CMTR1: variants seen among roughly 807,000 people sequenced by gnomAD.
CMTR1 encodes cap-specific mRNA (nucleoside-2'-O-)-methyltransferase 1.
CMTR1 carries 39 observed loss-of-function variants against 107.0 expected under a neutral mutation model. That is an observed-to-expected ratio of 0.36 (90% CI 0.28 to 0.48). CMTR1 has a LOEUF of 0.48. Among genes scored for constraint, CMTR1 ranks in the 20% least tolerant of loss-of-function variants. CMTR1 has a pLI of 0.99. For synonymous variants in CMTR1, 366 were observed against 379.5 expected, an observed-to-expected ratio of 0.96 and a Z score of 0.41; for missense variants, 672 against 1,064.9, an observed-to-expected ratio of 0.63 and a Z score of 5.14.
intron 4 of CMTR1, among the ~76,000 whole-genome samples, chr6:37,448,967 G>A (rs1202287527): frequency 6.6e-6 from 1 of 152,112 alleles, no homozygotes; most frequent in Non-Finnish European, 1.5e-5. Flanking sequence ...TTGAGACAAG[G>A]TCTTGCGCTG....
intron 20 of CMTR1, 84 bp from the exon 21 acceptor site, chr6:37,477,508 T>C (rs1761762636): frequency 8.0e-7 from 1 of 1,244,920 alleles, no homozygotes; most frequent in African/African-American, 1.5e-5. Context: ...CAAGGTCAAG[T>C]GCAGTCTCCT....
In CMTR1 at chr6:37,481,393, G is replaced by C; in HGVS notation, c.*1248G>C. ...ATGGGGGTCCTTCAGCCAGCATCCA[G>C]CTCCCCACCCCCAGGCTGGCAGTAG... is the stretch of plus-strand genomic sequence containing the variant. On this transcript the variant is annotated 3_prime_UTR_variant, in exon 24 of 24. Transcript: ENST00000373451. 1.7e-6 allele frequency: 2 copies of C among 1,186,248 alleles called. No homozygotes were observed. Among genetic ancestry groups the C allele is most frequent in the Non-Finnish European group, 2.1e-6 (2 of 941,374 alleles). The allele number at this position is 1,186,248 out of a possible 1,614,324, so 73.5% of individuals were successfully genotyped here.
chr6:37,444,846 G>A (rs1173386302), intron 3 of CMTR1, among the ~76,000 whole-genome samples: 1 of 152,086 alleles, frequency 6.6e-6, no homozygotes, highest in African/African-American at 2.4e-5. Flanking sequence ...CCAACATGGT[G>A]AAACCCCGTC....
At chr6:37,476,005 A>G (rs1420405681) in intron 19 of CMTR1, 121 bp from the exon 20 acceptor site, 7 of 927,012 alleles carry the variant, frequency 7.6e-6, no homozygotes, top group Non-Finnish European at 1.2e-5. Flanking sequence ...GCTGCCTCTT[A>G]GAGCAGTCTT....
intron 11 of CMTR1, 63 bp downstream of exon 11, chr6:37,461,708 C>T: frequency 1.8e-6 from 2 of 1,130,428 alleles, no homozygotes; most frequent in East Asian, 2.4e-5. Flanking sequence ...TGGACAAGAA[C>T]ATGTACAAGG....
intron 4 of CMTR1, among the ~76,000 whole-genome samples, chr6:37,448,210 CAAAAA>C (rs11397206): frequency 1.1e-5 from 1 of 91,108 alleles, no homozygotes. Context: ...GATTCCGTCT[CAAAAA>C]AAAAAAAAAA....
chr6:37,469,521 CTTT>C lies in CMTR1; in HGVS notation c.1506-1478_1506-1476del, dbSNP rs763917812. 7.1e-3 allele frequency among the ~76,000 whole-genome samples: 437 copies of C among 61,566 alleles called. 1 individual carries two copies. Among genetic ancestry groups the C allele is most frequent in the African/African-American group, 0.028 (407 of 14,624 alleles). 40.4% of individuals were successfully genotyped at this position (61,566 alleles called of 152,430 possible). A position where few individuals can be genotyped will look rare whatever the true frequency, so the allele number is the denominator to read the frequency against. ...TAGTTTGTCAATATGTTGTTTTATC[CTTT>C]TTTTTTTTTTTTTTTTTTTTTGAGA... On this transcript the variant is annotated intron_variant, in intron 13 of 23. Transcript: ENST00000373451.
intron 14 of CMTR1, 55 bp downstream of exon 14, chr6:37,471,132 T>C: frequency 6.8e-7 from 1 of 1,472,308 alleles, no homozygotes. Context: ...ATCTTGCTTT[T>C]CCTCCCCACA....
chr6:37,425,041 C>T, the CMTR1 span, among the ~76,000 whole-genome samples: 11 of 149,952 alleles, frequency 7.3e-5, no homozygotes, highest in South Asian at 8.4e-4. Context: ...CTCTGCCTCC[C>T]AGGTTCAAGC....
At chr6:37,445,426 T>C (rs1771761681) in intron 3 of CMTR1, among the ~76,000 whole-genome samples, 1 of 152,046 alleles carries the variant, frequency 6.6e-6, no homozygotes, top group Admixed American at 6.6e-5. Flanking sequence ...TTACAGATAG[T>C]TGTGGCATTT....
At chr6:37,424,815 CA>C in the CMTR1 span, among the ~76,000 whole-genome samples, 119 of 151,922 alleles carry the variant, frequency 7.8e-4, 2 homozygotes, top group South Asian at 5.8e-3. Context: ...CATATGGCAT[CA>C]AGTTATTTTC....
chr6:37,473,598 G>C lies in CMTR1; in HGVS notation c.1818G>C (p.Leu606=), dbSNP rs1457580743. 26 of 1,613,360 alleles carry C rather than the reference G, an allele frequency of 1.6e-5. No homozygotes were observed. The highest frequency in any genetic ancestry group is 5.0e-5 in the Admixed American group (3 of 59,936). ...GTGAGCAGAAGTTCCTCATCGGCCT[G>C]GGGGTAAGTCTGCAGCTGGCTTCCT... ...SGSEQKFLIG[L]GKSQIYTWDG... is the part of the protein sequence containing the mutation. Residue 606 remains leucine (L), a synonymous_variant, in exon 17 of 24, where the codon CTG becomes CTC. Transcript: ENST00000373451.
At position 37,480,206 on chromosome 6, in the gene CMTR1, G is replaced by T; in HGVS notation, c.*61G>T. ...GTCATTCCTGAGATGGGGCCACCTG[G>T]GGCCCACAGTGCTGGCTTCTTCCCC... On this transcript the variant is annotated 3_prime_UTR_variant, in exon 24 of 24. Transcript: ENST00000373451. The T allele has an allele frequency of 3.8e-6, 6 of 1,587,318 alleles. No homozygotes were observed. The highest frequency in any genetic ancestry group is 1.9e-4 in the Middle Eastern group (1 of 5,346).
In CMTR1 at chr6:37,481,144, T is replaced by A; in HGVS notation, c.*999T>A. ...AGGAGGTACAATCTGCTTTTGTTTG[T>A]CGTTAAGTGGTCACTCCCATTTCCT... is the stretch of plus-strand genomic sequence containing the variant. On this transcript the variant is annotated 3_prime_UTR_variant, in exon 24 of 24. Transcript: ENST00000373451. The A allele has an allele frequency of 7.7e-7, 1 of 1,303,984 alleles. No homozygotes were observed. The highest frequency in any genetic ancestry group is 1.2e-5 in the South Asian group (1 of 81,008). The allele number at this position is 1,303,984 out of a possible 1,614,324, so 80.8% of individuals were successfully genotyped here.
chr6:37,457,938 T>A (rs563644353), intron 8 of CMTR1, among the ~76,000 whole-genome samples: 59 of 152,198 alleles, frequency 3.9e-4, no homozygotes, highest in Non-Finnish European at 6.3e-4. Context: ...TCTTGGTGCC[T>A]CTTTTTCCCT....
At chr6:37,471,366 C>T (rs1761620287) in intron 14 of CMTR1, among the ~76,000 whole-genome samples, 1 of 151,990 alleles carries the variant, frequency 6.6e-6, no homozygotes, top group South Asian at 2.1e-4. Flanking sequence ...AAGTAGAATA[C>T]ATAATGTTCA....
chr6:37,469,037 T>C (rs1401851618), intron 13 of CMTR1, among the ~76,000 whole-genome samples: 1 of 151,986 alleles, frequency 6.6e-6, no homozygotes, highest in Non-Finnish European at 1.5e-5. Context: ...AACTCCCTTC[T>C]GGCCAAAGAA....
intron 8 of CMTR1, among the ~76,000 whole-genome samples, chr6:37,454,869 GCC>G (rs1761257580): frequency 6.6e-6 from 1 of 152,098 alleles, no homozygotes; most frequent in African/African-American, 2.4e-5. Context: ...TTACAGCCAA[GCC>G]CCACAGGCTT....
rs886087562 is a variant in CMTR1, at chr6:37,470,961, G to A, written c.1506-60G>A. Reference sequence around the variant, plus strand: ...TGCTCCCGTTTAACCTCTCTGTCCTGATGTCAGTTACCTGTCTTTTTTGGT... The same window carrying A: ...TGCTCCCGTTTAACCTCTCTGTCCTAATGTCAGTTACCTGTCTTTTTTGGT... On this transcript the variant is annotated intron_variant, in intron 13 of 23. Transcript: ENST00000373451. 1.2e-5 allele frequency: 18 copies of A among 1,442,712 alleles called. No homozygotes were observed. In the African/African-American group the frequency reaches 2.6e-4, roughly 20 times the overall value. The allele number at this position is 1,442,712 out of a possible 1,614,324, so 89.4% of individuals were successfully genotyped here. A position where few individuals can be genotyped will look rare whatever the true frequency, so the allele number is the denominator to read the frequency against.
Sources: gnomAD v4.1 joint callset for allele counts (sites outside exome capture counted in the v4.1 genomes callset) on GRCh38, gnomAD v4.1.1 for gene constraint, MANE v1.5 for transcripts, NCBI Gene and HGNC (gene_info 2026-07-23, HGNC 2026-07-21) for gene names.